GIGYF2: variants seen among roughly 807,000 people sequenced by gnomAD.
The protein encoded by GIGYF2 is GRB10-interacting GYF protein 2.
GIGYF2 carries 25 observed loss-of-function variants against 208.1 expected under a neutral mutation model. That is an observed-to-expected ratio of 0.12 (90% CI 0.09 to 0.17). GIGYF2 has a LOEUF of 0.17. Ranked by LOEUF, GIGYF2 falls within the 10% of genes least tolerant of loss-of-function variation. The pLI is 1.00. For synonymous variants in GIGYF2, 534 were observed against 543.8 expected, an observed-to-expected ratio of 0.98 and a Z score of 0.25; for missense variants, 1,302 against 1,579.4, an observed-to-expected ratio of 0.82 and a Z score of 2.98.
chr2:232,840,854 G>A (rs558269790), intron 23 of GIGYF2, among the ~76,000 whole-genome samples: 1 of 152,150 alleles, frequency 6.6e-6, no homozygotes, highest in African/African-American at 2.4e-5. Context: ...GCTTTATGTG[G>A]ATATGATTTG....
At chr2:232,780,689 AATC>A (rs776058415) in intron 8 of GIGYF2, among the ~76,000 whole-genome samples, 16 of 152,218 alleles carry the variant, frequency 1.1e-4, no homozygotes, top group Non-Finnish European at 2.4e-4. Context: ...TTTACTTTAA[AATC>A]ATCTTGTTTG....
chr2:232,825,761 T>C (rs1574928528), intron 21 of GIGYF2, among the ~76,000 whole-genome samples: 1 of 152,050 alleles, frequency 6.6e-6, no homozygotes, highest in East Asian at 1.9e-4. Context: ...AGCATGCAGG[T>C]TTGTTACATA....
chr2:232,723,809 C>G (rs369315499), intron 2 of GIGYF2, among the ~76,000 whole-genome samples: 1 of 147,314 alleles, frequency 6.8e-6, no homozygotes, highest in Non-Finnish European at 1.5e-5. Context: ...CTCGGCTCAC[C>G]GCAACCTCCG....
intron 8 of GIGYF2, among the ~76,000 whole-genome samples, chr2:232,781,201 T>C (rs1699706746): frequency 1.3e-5 from 2 of 151,920 alleles, no homozygotes; most frequent in South Asian, 4.2e-4. Flanking sequence ...TCAGGTGATC[T>C]GCCCGCCTCG....
intron 2 of GIGYF2, among the ~76,000 whole-genome samples, chr2:232,731,882 T>TTTTTTTCTTTA: frequency 6.6e-6 from 1 of 152,204 alleles, no homozygotes; most frequent in Non-Finnish European, 1.5e-5. Flanking sequence ...TTATATTTTT[T>TTTTTTTCTTTA]AAAAAAGCTC....
intron 8 of GIGYF2, among the ~76,000 whole-genome samples, chr2:232,781,370 C>A (rs970954469): frequency 5.7e-5 from 8 of 140,698 alleles, no homozygotes; most frequent in African/African-American, 1.8e-4. Context: ...ACCCACCCAT[C>A]CAAATTTACA....
chr2:232,729,782 A>T, intron 2 of GIGYF2: 1 of 750,768 alleles, frequency 1.3e-6, no homozygotes, highest in South Asian at 1.4e-5. Flanking sequence ...AAGATGGAAG[A>T]CTTGGCAACG....
intron 8 of GIGYF2, among the ~76,000 whole-genome samples, chr2:232,775,374 C>G (rs1171427822): frequency 6.6e-6 from 1 of 152,190 alleles, no homozygotes; most frequent in East Asian, 1.9e-4. Context: ...AATAAGATTT[C>G]TTAAAGCTCT....
intron 2 of GIGYF2, among the ~76,000 whole-genome samples, chr2:232,714,697 C>T (rs1190746096): frequency 6.6e-6 from 1 of 152,166 alleles, no homozygotes; most frequent in Non-Finnish European, 1.5e-5. Context: ...CATTTTTCCT[C>T]CTCCACCACT....
At chr2:232,797,850 A>G (rs776729399) in intron 14 of GIGYF2, among the ~76,000 whole-genome samples, 10 of 151,980 alleles carry the variant, frequency 6.6e-5, no homozygotes, top group Non-Finnish European at 1.0e-4. Context: ...ATGTGGTGGC[A>G]TGTGCCTGTA....
intron 3 of GIGYF2, among the ~76,000 whole-genome samples, chr2:232,743,453 A>G (rs12694916): frequency 0.16 from 24,673 of 152,082 alleles, 2,601 homozygotes; most frequent in Non-Finnish European, 0.22. Context: ...GTACATGTGA[A>G]GGTTATGTAG....
At chr2:232,832,769 C>T in intron 21 of GIGYF2, 88 bp from the exon 22 acceptor site, 1 of 916,572 alleles carries the variant, frequency 1.1e-6, no homozygotes. Flanking sequence ...TCTCTATAGC[C>T]ATTTGACAGA....
chr2:232,704,921 G>A (rs1034306023), intron 2 of GIGYF2, among the ~76,000 whole-genome samples: 5 of 129,026 alleles, frequency 3.9e-5, no homozygotes, highest in Middle Eastern at 5.7e-3. Context: ...GTGCAGTGGC[G>A]CGATCTCTGC....
At chr2:232,780,142 C>G (rs1481058984) in intron 8 of GIGYF2, among the ~76,000 whole-genome samples, 3 of 152,198 alleles carry the variant, frequency 2.0e-5, no homozygotes, top group Non-Finnish European at 4.4e-5. Context: ...TTTGCTCCAT[C>G]TGAAGTTTTC....
At chr2:232,772,647 C>G (rs78614281) in intron 8 of GIGYF2, among the ~76,000 whole-genome samples, 1 of 152,152 alleles carries the variant, frequency 6.6e-6, no homozygotes, top group Non-Finnish European at 1.5e-5. Context: ...GTAGCAGTTA[C>G]TAGGAACAGA....
At chr2:232,727,124 C>T (rs1697237914) in intron 2 of GIGYF2, among the ~76,000 whole-genome samples, 1 of 152,110 alleles carries the variant, frequency 6.6e-6, no homozygotes, top group Admixed American at 6.5e-5. Context: ...ACCACCACAC[C>T]CAGCTAATTT....
intron 2 of GIGYF2, among the ~76,000 whole-genome samples, chr2:232,724,102 G>A (rs1262159876): frequency 3.3e-5 from 5 of 149,756 alleles, no homozygotes; most frequent in Admixed American, 1.3e-4. Context: ...GTGCAGTGGT[G>A]TGATCTCAGC....
At chr2:232,698,537 A>G (rs1254561210) in intron 1 of GIGYF2, among the ~76,000 whole-genome samples, 2 of 152,174 alleles carry the variant, frequency 1.3e-5, no homozygotes, top group African/African-American at 4.8e-5. Flanking sequence ...GCTCCTTCTA[A>G]TATTTGTAGC....
At chr2:232,784,253 C>T (rs993095780) in intron 8 of GIGYF2, among the ~76,000 whole-genome samples, 2 of 152,048 alleles carry the variant, frequency 1.3e-5, no homozygotes, top group Non-Finnish European at 1.5e-5. Flanking sequence ...CACTTGAGGC[C>T]AGAAGTTCAA....
Sources: allele counts gnomAD v4.1 joint callset (sites outside exome capture counted in the v4.1 genomes callset), GRCh38; gene constraint gnomAD v4.1.1; transcripts MANE v1.5; gene names NCBI Gene and HGNC (gene_info 2026-07-23, HGNC 2026-07-21).